Variants in RFWD3 observed in about 807,000 individuals in gnomAD.
The protein encoded by RFWD3 is ring finger and WD repeat domain 3, also known as E3 ubiquitin-protein ligase RFWD3.
A neutral mutation model predicts 87.7 loss-of-function variants in RFWD3; 65 were observed. That is an observed-to-expected ratio of 0.74 (90% CI 0.61 to 0.91). The LOEUF (loss-of-function observed/expected upper bound fraction) is 0.91, where lower values mean the gene tolerates loss of function less well. Ranked by LOEUF, RFWD3 falls within the 40% of genes least tolerant of loss-of-function variation. The pLI, the probability that RFWD3 is intolerant of heterozygous loss-of-function variation, is 0.00. For missense variants in RFWD3, 1,078 were observed against 938.5 expected, an observed-to-expected ratio of 1.15 and a Z score of -1.94; for synonymous variants, 433 against 352.8, an observed-to-expected ratio of 1.23 and a Z score of -2.55.
chr16:74,642,817 G>A (rs780845024), intron 6 of RFWD3, among the ~76,000 whole-genome samples: 4 of 152,060 alleles, frequency 2.6e-5, no homozygotes, highest in Non-Finnish European at 5.9e-5. Context: ...AAGGCTCAAA[G>A]CAATATGGCA....
intron 1 of RFWD3, among the ~76,000 whole-genome samples, chr16:74,666,135 T>C (rs746617393): frequency 6.6e-6 from 1 of 152,062 alleles, no homozygotes; most frequent in Admixed American, 6.6e-5. Context: ...ATCCCTGTTC[T>C]TTTACTACAT....
chr16:74,636,518 T>C lies in RFWD3; in HGVS notation c.1254A>G (p.Gln418=), dbSNP rs763643624. The C allele has an allele frequency of 2.4e-5, 38 of 1,613,950 alleles. No individual in the cohort carries two copies. Among genetic ancestry groups the C allele is most frequent in the Non-Finnish European group, 3.1e-5 (36 of 1,180,056 alleles). The stretch of plus-strand genomic sequence containing the variant: ...AGGGTGAGCAGCTCAGGACCCATGC[T>C]TGGGAGCCCCTGGGTTGCTGTAAAT... The part of the protein sequence containing the change: ...SQNLQQPRGS[Q]AWVLSCSPSS... The change falls in exon 8 of 13, where the codon CAA becomes CAG. Residue 418 remains glutamine, a synonymous_variant. Coordinates refer to ENST00000361070, the MANE Select transcript of RFWD3 (RefSeq NM_018124.4).
intron 9 of RFWD3, 108 bp from the exon 10 acceptor site, chr16:74,631,065 T>A: frequency 1.0e-6 from 1 of 972,890 alleles, no homozygotes; most frequent in Non-Finnish European, 1.5e-6. Context: ...GAGAACACAC[T>A]CATACTCCCA....
chr16:74,626,261 G>A (rs775102603), intron 12 of RFWD3, 82 bp downstream of exon 12: 4 of 1,270,992 alleles, frequency 3.1e-6, no homozygotes, highest in Non-Finnish European at 2.3e-6. Flanking sequence ...ATGAGCTTCT[G>A]TAAAAAAAGT....
intron 12 of RFWD3, among the ~76,000 whole-genome samples, chr16:74,624,685 C>A (rs1597403737): frequency 6.6e-6 from 1 of 152,198 alleles, no homozygotes; most frequent in African/African-American, 2.4e-5. Flanking sequence ...GCGTGAGCCA[C>A]CGCGTCTGGC....
intron 9 of RFWD3, 98 bp from the exon 10 acceptor site, chr16:74,631,055 G>A (rs1959078400): frequency 1.1e-5 from 12 of 1,120,838 alleles, no homozygotes; most frequent in Non-Finnish European, 1.5e-5. Flanking sequence ...AATCCTTACT[G>A]AGAACACACT....
chr16:74,664,107 G>C (rs1961684909), intron 1 of RFWD3, among the ~76,000 whole-genome samples: 1 of 152,214 alleles, frequency 6.6e-6, no homozygotes, highest in Non-Finnish European at 1.5e-5. Context: ...AACAATGTGA[G>C]ATACTTCAAG....
chr16:74,631,809 C>T (rs1007184212), intron 9 of RFWD3, among the ~76,000 whole-genome samples: 7 of 151,976 alleles, frequency 4.6e-5, no homozygotes, highest in East Asian at 2.0e-4. Flanking sequence ...ACTTTAAAGA[C>T]GGGGTTTCAC....
chr16:74,645,740 A>ATTTTC (rs1960072675), intron 4 of RFWD3, among the ~76,000 whole-genome samples: 9 of 104,632 alleles, frequency 8.6e-5, no homozygotes, highest in African/African-American at 2.8e-4. Flanking sequence ...AGTCACAAAT[A>ATTTTC]TTTTCTTTTT....
At chr16:74,632,481 A>C (rs759000533) in intron 9 of RFWD3, 42 bp downstream of exon 9, 2 of 1,606,118 alleles carry the variant, frequency 1.2e-6, no homozygotes, top group South Asian at 1.1e-5. Context: ...GCTACTCAAC[A>C]CCAAAGAGCC....
chr16:74,628,370 A>C (rs752480625), intron 11 of RFWD3, 82 bp downstream of exon 11: 2 of 1,352,478 alleles, frequency 1.5e-6, no homozygotes, highest in South Asian at 1.2e-5. Flanking sequence ...ACAGCCACCC[A>C]AAGGGTAGGA....
intron 2 of RFWD3, among the ~76,000 whole-genome samples, chr16:74,655,777 C>T (rs535627727): frequency 2.0e-5 from 3 of 152,242 alleles, no homozygotes; most frequent in Admixed American, 2.0e-4. Context: ...CTGCCCACCT[C>T]GGCCTCCCAA....
At chr16:74,637,709 A>C in intron 7 of RFWD3, 147 bp downstream of exon 7, 1 of 580,278 alleles carries the variant, frequency 1.7e-6, no homozygotes, top group East Asian at 3.1e-5. Flanking sequence ...CAGATGCCCT[A>C]ATCAGAAATA....
intron 3 of RFWD3, among the ~76,000 whole-genome samples, chr16:74,651,057 G>C (rs1208513940): frequency 6.6e-6 from 1 of 152,122 alleles, no homozygotes; most frequent in African/African-American, 2.4e-5. Context: ...TGAGGTTTTG[G>C]AAAATTATAT....
chr16:74,633,067 A>T (rs1959152071), intron 8 of RFWD3, among the ~76,000 whole-genome samples: 1 of 152,122 alleles, frequency 6.6e-6, no homozygotes, highest in African/African-American at 2.4e-5. Flanking sequence ...ACCTGAGGTC[A>T]GGAGTTCAAG....
chr16:74,636,455 T>C lies in RFWD3; in HGVS notation c.1317A>G (p.Gln439=), dbSNP rs1446195193. ...QGQHKHKYHF[Q]KTFTVSQAGN... ...CTGCCTGAGATACTGTGAAGGTCTT[T>C]TGGAAGTGGTACTTGTGCTTGTGCT... is the stretch of plus-strand genomic sequence containing the variant. Residue 439 remains glutamine (Q), a synonymous_variant, in exon 8 of 13, where the codon CAA becomes CAG. Coordinates refer to ENST00000361070, the MANE Select transcript of RFWD3 (RefSeq NM_018124.4). 1 of 1,614,156 alleles carries C rather than the reference T, an allele frequency of 6.2e-7. No individual in the cohort carries two copies. The highest frequency in any genetic ancestry group is 1.7e-4 in the Middle Eastern group (1 of 6,040).
intron 2 of RFWD3, among the ~76,000 whole-genome samples, chr16:74,655,167 C>T (rs948486497): frequency 4.6e-5 from 7 of 152,158 alleles, no homozygotes; most frequent in Non-Finnish European, 1.0e-4. Flanking sequence ...GAAGTCAATG[C>T]CTGGCTTCAA....
intron 6 of RFWD3, among the ~76,000 whole-genome samples, chr16:74,643,011 AC>A (rs1194844902): frequency 1.3e-5 from 2 of 152,234 alleles, no homozygotes; most frequent in African/African-American, 4.8e-5. Flanking sequence ...TGCCTTTTCA[AC>A]AAAATTCCTC....
intron 8 of RFWD3, among the ~76,000 whole-genome samples, chr16:74,633,031 C>T (rs1959150540): frequency 6.6e-6 from 1 of 151,952 alleles, no homozygotes; most frequent in Non-Finnish European, 1.5e-5. Flanking sequence ...AATCCCAGCA[C>T]TTTGGGAGGC....
Sources: allele counts gnomAD v4.1 joint callset (sites outside exome capture counted in the v4.1 genomes callset), GRCh38; gene constraint gnomAD v4.1.1; transcripts MANE v1.5; gene names NCBI Gene and HGNC (gene_info 2026-07-23, HGNC 2026-07-21).